Variants in MGAT3 observed in about 807,000 individuals in gnomAD.
MGAT3 encodes beta-1,4-mannosyl-glycoprotein 4-beta-N-acetylglucosaminyltransferase, also known as GlcNAc-T III.
In MGAT3, 9 loss-of-function variants were observed where a neutral mutation model predicts 29.8. The observed-to-expected ratio is 0.30, with a 90% CI of 0.18 to 0.53. The LOEUF (loss-of-function observed/expected upper bound fraction) is 0.53, where lower values mean the gene tolerates loss of function less well. Among genes scored for constraint, MGAT3 ranks in the 20% least tolerant of loss-of-function variants. The probability of loss-of-function intolerance (pLI) is 0.96; values close to 1 mark genes in which losing one functional copy is unlikely to be tolerated. For synonymous variants in MGAT3, 397 were observed against 348.9 expected, an observed-to-expected ratio of 1.14 and a Z score of -1.54; for missense variants, 557 against 769.5, an observed-to-expected ratio of 0.72 and a Z score of 3.27.
chr22:39,472,260 C>T (rs1470862944), intron 1 of MGAT3, among the ~76,000 whole-genome samples: 1 of 152,160 alleles, frequency 6.6e-6, no homozygotes, highest in African/African-American at 2.4e-5. Context: ...ACTCCTGAGC[C>T]CCCTTGCAGG....
At chr22:39,465,699 AG>A (rs1256970099) in intron 1 of MGAT3, among the ~76,000 whole-genome samples, 2 of 152,116 alleles carry the variant, frequency 1.3e-5, no homozygotes, top group African/African-American at 2.4e-5. Flanking sequence ...TGGGAGGCCG[AG>A]GGGGGTGGAT....
At chr22:39,464,258 A>G (rs1443737463) in intron 1 of MGAT3, among the ~76,000 whole-genome samples, 1 of 151,990 alleles carries the variant, frequency 6.6e-6, no homozygotes, top group Non-Finnish European at 1.5e-5. Context: ...TCATCTTGCT[A>G]CCTGGGGCCT....
intron 1 of MGAT3, among the ~76,000 whole-genome samples, chr22:39,473,675 G>T (rs985324773): frequency 6.6e-6 from 1 of 152,166 alleles, no homozygotes; most frequent in Non-Finnish European, 1.5e-5. Context: ...GCCAGGCCAG[G>T]CTAGCTGGAG....
chr22:39,479,039 C>T (rs1290966216), intron 1 of MGAT3, among the ~76,000 whole-genome samples: 1 of 152,238 alleles, frequency 6.6e-6, no homozygotes, highest in Non-Finnish European at 1.5e-5. Context: ...CATGCTCTAC[C>T]ACCTATCCCA....
At chr22:39,479,551 C>T (rs902431763) in intron 1 of MGAT3, among the ~76,000 whole-genome samples, 1 of 152,232 alleles carries the variant, frequency 6.6e-6, no homozygotes, top group Non-Finnish European at 1.5e-5. Context: ...AGGCTTAGGC[C>T]CTGCCAGGGA....
At position 39,489,042 on chromosome 22, in the gene MGAT3, AG is replaced by A; in HGVS notation, c.*97del. On this transcript the variant is annotated 3_prime_UTR_variant, in exon 2 of 2. Transcript: ENST00000341184. Reference sequence around the variant, plus strand: ...CCTCCTGCCGGCTCCTTGGTTCTTGAGGGGACCAGGAGTGGGTGGGGAGTGG... The same window carrying A: ...CCTCCTGCCGGCTCCTTGGTTCTTGAGGGACCAGGAGTGGGTGGGGAGTGG... 1.5e-6 allele frequency: 1 copy of A among 657,394 alleles called. No homozygotes were observed. The highest frequency in any genetic ancestry group is 2.2e-6 in the Non-Finnish European group (1 of 447,856). The allele number at this position is 657,394 out of a possible 1,614,324, so 40.7% of individuals were successfully genotyped here.
At chr22:39,485,747 C>T (rs2145726394) in intron 1 of MGAT3, among the ~76,000 whole-genome samples, 1 of 152,204 alleles carries the variant, frequency 6.6e-6, no homozygotes, top group African/African-American at 2.4e-5. Context: ...AGAGATCGCA[C>T]CACTGCACTT....
At chr22:39,461,745 C>A (rs111656120) in intron 1 of MGAT3, among the ~76,000 whole-genome samples, 2 of 152,258 alleles carry the variant, frequency 1.3e-5, no homozygotes, top group African/African-American at 4.8e-5. Context: ...GCTCTTCCCC[C>A]GATGCTACAG....
intron 1 of MGAT3, among the ~76,000 whole-genome samples, chr22:39,458,051 G>C (rs1040200386): frequency 5.3e-5 from 8 of 152,158 alleles, no homozygotes; most frequent in African/African-American, 1.9e-4. Context: ...GGGTGCGGGG[G>C]CTGCGGCCGT....
rs187138210 is a variant in MGAT3 at position 39,467,366 on chromosome 22, G to A, written c.-2+9809G>A. 1.3e-4 allele frequency among the ~76,000 whole-genome samples: 20 copies of A among 152,358 alleles called. No individual in the cohort carries two copies. In the East Asian group the frequency reaches 3.5e-3, roughly 26 times the overall value. On this transcript the variant is annotated intron_variant, in intron 1 of 1. Transcript: ENST00000341184. ...GGAAGGGAATTTCTGCCTGGCTGGG[G>A]TGTGCTTTGGGATCCCCTCTGCGGC...
At chr22:39,464,461 A>G (rs1928581339) in intron 1 of MGAT3, among the ~76,000 whole-genome samples, 2 of 151,128 alleles carry the variant, frequency 1.3e-5, no homozygotes, top group Admixed American at 1.3e-4. Flanking sequence ...TTTTTTTGAG[A>G]CGGAGTTTCA....
intron 1 of MGAT3, among the ~76,000 whole-genome samples, chr22:39,474,549 C>G (rs1270799604): frequency 3.3e-5 from 5 of 152,220 alleles, no homozygotes; most frequent in Non-Finnish European, 7.3e-5. Context: ...CCTCTCACAG[C>G]CCCAAGCACC....
chr22:39,457,144 A>AGGGGAGGGGGTTGCGGAGGGGGC lies in MGAT3; in HGVS notation c.-410_-388dup, dbSNP rs1928348936. ...GGCGGCGGAGCCCGGCTGGCGGGGG[A>AGGGGAGGGGGTTGCGGAGGGGGC]GGGGAGGGGGTTGCGGAGGGGGCGG... On this transcript the variant is annotated 5_prime_UTR_variant, in exon 1 of 2. Transcript: ENST00000341184. This position sits in a 1 kb window ranked among gnomAD's most constrained non-coding sequence, Gnocchi z 6.8. Among the ~76,000 whole-genome samples the AGGGGAGGGGGTTGCGGAGGGGGC allele has an allele frequency of 1.4e-5, 1 of 73,380 alleles. No homozygotes were observed. Among genetic ancestry groups the AGGGGAGGGGGTTGCGGAGGGGGC allele is most frequent in the Admixed American group, 1.1e-4 (1 of 8,938 alleles). The allele number at this position is 73,380 out of a possible 152,430, so 48.1% of individuals were successfully genotyped here. A position where few individuals can be genotyped will look rare whatever the true frequency, so the allele number is the denominator to read the frequency against.
Position 39,480,058 on chromosome 22 carries a change from C to T in MGAT3, c.-1-7289C>T, listed in dbSNP as rs192213296. Among the ~76,000 whole-genome samples the T allele has an allele frequency of 1.3e-3, 193 of 152,304 alleles. 1 individual carries two copies. Among genetic ancestry groups the T allele is most frequent in the African/African-American group, 4.5e-3 (189 of 41,548 alleles). On this transcript the variant is annotated intron_variant, in intron 1 of 1. Transcript: ENST00000341184. ...GCTGAGAGAGGTCAGGTGACCTGCT[C>T]TGTTCATAGTGACTATAGGAACATT...
chr22:39,482,210 C>T (rs1929148877), intron 1 of MGAT3, among the ~76,000 whole-genome samples: 1 of 145,336 alleles, frequency 6.9e-6, no homozygotes, highest in African/African-American at 2.6e-5. Context: ...TGGTCTTGAA[C>T]TCCCGGACTC....
chr22:39,469,253 T>A (rs547772203), intron 1 of MGAT3, among the ~76,000 whole-genome samples: 7 of 152,000 alleles, frequency 4.6e-5, no homozygotes, highest in African/African-American at 1.7e-4. Flanking sequence ...CATCGGAGCG[T>A]CAGTCCCTTG....
intron 1 of MGAT3, among the ~76,000 whole-genome samples, chr22:39,466,009 T>C (rs766151022): frequency 3.7e-4 from 56 of 150,672 alleles, no homozygotes; most frequent in Admixed American, 2.8e-3. Flanking sequence ...GAAACCCATG[T>C]TGATGTTGGT....
Position 39,488,183 on chromosome 22 carries a change from C to A in MGAT3, c.836C>A (p.Pro279His). The A allele has an allele frequency of 6.2e-7, 1 of 1,613,096 alleles. No homozygotes were observed. Among genetic ancestry groups the A allele is most frequent in the Non-Finnish European group, 8.5e-7 (1 of 1,179,936 alleles). Reference sequence around the variant, plus strand: ...TATGTCTTCCTGGACCACTTCCCGCCCGGCGGCCGGCAGGACGGCTGGATC... The same window carrying A: ...TATGTCTTCCTGGACCACTTCCCGCACGGCGGCCGGCAGGACGGCTGGATC... ...VLYVFLDHFP[P>H]GGRQDGWIAD... The change falls in exon 2 of 2, where the codon CCC becomes CAC. Residue 279 changes from proline to histidine, a missense_variant. Physicochemically the swap from Pro to His is moderately conservative, Grantham distance 77. Transcript: ENST00000341184.
At chr22:39,461,110 T>C (rs1928485644) in intron 1 of MGAT3, among the ~76,000 whole-genome samples, 1 of 152,136 alleles carries the variant, frequency 6.6e-6, no homozygotes, top group South Asian at 2.1e-4. Context: ...CCGATCGCTG[T>C]GCTGTAAATC....
Sources: gnomAD v4.1 joint callset for allele counts (sites outside exome capture counted in the v4.1 genomes callset) on GRCh38, gnomAD v4.1.1 for gene constraint, Gnocchi (gnomAD v3.1) non-coding constraint, MANE v1.5 for transcripts, NCBI Gene and HGNC (gene_info 2026-07-23, HGNC 2026-07-21) for gene names.